The following PLCL2 variants were observed in gnomAD, a reference collection of about 807,000 sequenced individuals.
PLCL2 encodes inactive phospholipase C-like protein 2.
PLCL2 carries 4 observed loss-of-function variants against 79.6 expected under a neutral mutation model. That is an observed-to-expected ratio of 0.05 (90% CI 0.02 to 0.11). PLCL2 has a LOEUF of 0.11. PLCL2 is among the 10% of genes least tolerant of loss of function. PLCL2 has a pLI of 1.00. For synonymous variants in PLCL2, 484 were observed against 457.7 expected (o/e 1.06, Z -0.73); for missense variants, 895 against 1,291.0 (o/e 0.69, Z 4.70).
At chr3:16,945,852 A>G (rs1055373399) in intron 1 of PLCL2, among the ~76,000 whole-genome samples, 1 of 152,202 alleles carries the variant, frequency 6.6e-6, no homozygotes, top group South Asian at 2.1e-4. Flanking sequence ...CCCAAGCGCC[A>G]TTTACCCATC....
At chr3:16,949,474 ATCTTTT>A (rs1424554338) in intron 1 of PLCL2, among the ~76,000 whole-genome samples, 1 of 152,142 alleles carries the variant, frequency 6.6e-6, no homozygotes, top group African/African-American at 2.4e-5. Flanking sequence ...ATATTTGTTT[ATCTTTT>A]TCTTATTGAT....
At chr3:16,904,321 A>C (rs1217956553) in intron 1 of PLCL2, among the ~76,000 whole-genome samples, 9 of 152,096 alleles carry the variant, frequency 5.9e-5, no homozygotes, top group Non-Finnish European at 1.2e-4. Flanking sequence ...AAAAAAAGCA[A>C]ACTTTGGAGT....
chr3:16,893,562 G>A (rs1309202041), intron 1 of PLCL2, among the ~76,000 whole-genome samples: 1 of 152,162 alleles, frequency 6.6e-6, no homozygotes, highest in Non-Finnish European at 1.5e-5. Flanking sequence ...AGCGGAAAGA[G>A]ATCATGTAAA....
At chr3:16,911,306 C>T (rs548081258) in intron 1 of PLCL2, among the ~76,000 whole-genome samples, 61 of 150,832 alleles carry the variant, frequency 4.0e-4, no homozygotes, top group South Asian at 6.3e-4. Flanking sequence ...GAATACAGGT[C>T]TGTCAGGCTC....
At chr3:17,017,153 T>C (rs1302441915) in intron 3 of PLCL2, among the ~76,000 whole-genome samples, 1 of 152,174 alleles carries the variant, frequency 6.6e-6, no homozygotes, top group Non-Finnish European at 1.5e-5. Context: ...TCCTCTTGGA[T>C]TGGTAGATGC....
intron 3 of PLCL2, among the ~76,000 whole-genome samples, chr3:17,028,753 G>C (rs145646305): frequency 1.7e-3 from 256 of 152,096 alleles, no homozygotes; most frequent in African/African-American, 5.0e-3. Context: ...AAAGTGCTGG[G>C]AATTCCTTTT....
intron 1 of PLCL2, among the ~76,000 whole-genome samples, chr3:16,967,535 G>A (rs1290947941): frequency 1.3e-5 from 2 of 151,834 alleles, no homozygotes; most frequent in Admixed American, 6.6e-5. Context: ...CATTTCTTTC[G>A]TATGCTTGTT....
At chr3:16,963,345 T>C (rs948408620) in intron 1 of PLCL2, among the ~76,000 whole-genome samples, 1 of 152,192 alleles carries the variant, frequency 6.6e-6, no homozygotes, top group Non-Finnish European at 1.5e-5. Context: ...TTGAAAAATG[T>C]AGCAAGCCAT....
intron 1 of PLCL2, among the ~76,000 whole-genome samples, chr3:16,980,997 G>A (rs1035121840): frequency 6.6e-6 from 1 of 152,226 alleles, no homozygotes. Flanking sequence ...CCAGTCAAGC[G>A]TGGTGGCGCG....
intron 1 of PLCL2, among the ~76,000 whole-genome samples, chr3:17,000,237 G>T (rs2064195340): frequency 1.3e-5 from 2 of 152,058 alleles, no homozygotes; most frequent in Admixed American, 1.3e-4. Context: ...TTTGCAGGCT[G>T]GTGGCCAAGT....
intron 1 of PLCL2, among the ~76,000 whole-genome samples, chr3:16,920,220 G>A (rs1697092033): frequency 6.6e-6 from 1 of 152,084 alleles, no homozygotes; most frequent in Admixed American, 6.6e-5. Context: ...ACTTGATCAT[G>A]GATTCCAGAT....
intron 1 of PLCL2, among the ~76,000 whole-genome samples, chr3:16,889,538 AG>A (rs1696300263): frequency 6.6e-6 from 1 of 152,232 alleles, no homozygotes; most frequent in South Asian, 2.1e-4. Context: ...ACCTTGCCCA[AG>A]GTGGCAGCCC....
chr3:16,964,249 C>G (rs1306887987), intron 1 of PLCL2, among the ~76,000 whole-genome samples: 1 of 149,470 alleles, frequency 6.7e-6, no homozygotes, highest in African/African-American at 2.5e-5. Context: ...CAGTTGCCAC[C>G]TGTGAGTGAG....
chr3:16,966,272 T>C (rs1189664077), intron 1 of PLCL2, among the ~76,000 whole-genome samples: 1 of 150,176 alleles, frequency 6.7e-6, no homozygotes, highest in Non-Finnish European at 1.5e-5. Flanking sequence ...TCTATTGAGA[T>C]AATCATGTGG....
chr3:17,032,432 C>G (rs965755916), intron 3 of PLCL2, among the ~76,000 whole-genome samples: 1 of 152,114 alleles, frequency 6.6e-6, no homozygotes, highest in Admixed American at 6.6e-5. Context: ...CTAGTGCATT[C>G]ATTGTTTTGA....
chr3:17,014,716 G>A lies in PLCL2; in HGVS notation c.2823G>A (p.Val941=). 6.2e-7 allele frequency: 1 copy of A among 1,612,034 alleles called. No individual in the cohort carries two copies. The highest frequency in any genetic ancestry group is 8.5e-7 in the Non-Finnish European group (1 of 1,178,162). Residue 941 remains valine, a synonymous_variant, in exon 3 of 6, where the codon GTG becomes GTA. Transcript: ENST00000615277. The part of the protein sequence containing the change: ...TDLRENMQNA[V]VSFKELCGLS... ...TTCATTCCATTTAACAGAATGCGGT[G>A]GTGTCATTCAAGGAGCTGTGTGGCC...
At chr3:16,961,082 G>A (rs1235456198) in intron 1 of PLCL2, among the ~76,000 whole-genome samples, 1 of 152,236 alleles carries the variant, frequency 6.6e-6, no homozygotes, top group Non-Finnish European at 1.5e-5. Flanking sequence ...AATATATGCT[G>A]TTGAGGTATA....
At chr3:16,914,274 G>A (rs556428670) in intron 1 of PLCL2, among the ~76,000 whole-genome samples, 3 of 152,210 alleles carry the variant, frequency 2.0e-5, no homozygotes, top group African/African-American at 7.2e-5. Context: ...TTTTATATGT[G>A]GAGAAATATA....
At position 17,010,437 on chromosome 3, in the gene PLCL2, T is replaced by C; in HGVS notation, c.1091T>C (p.Met364Thr). Residue 364 changes from methionine (M) to threonine (T), a missense_variant, in exon 2 of 6, where the codon ATG becomes ACG. Physicochemically the swap from Met to Thr is moderately conservative, Grantham distance 81 (BLOSUM62 -1). This residue lies in a region of PLCL2 where 242 missense variants were observed against 399.5 expected (regional missense o/e 0.61). Transcript: ENST00000615277. This position sits in a 1 kb window ranked among gnomAD's most constrained non-coding sequence, Gnocchi z 5.8. The part of the protein sequence containing the change: ...NKEFLDTKDL[M>T]MFLEAEQGVA... ...GAATTCCTTGATACCAAGGACCTTA[T>C]GATGTTTCTTGAGGCAGAACAGGGT... 4 of 1,614,084 alleles carry C rather than the reference T, an allele frequency of 2.5e-6. No homozygotes were observed. The highest frequency in any genetic ancestry group is 3.4e-6 in the Non-Finnish European group (4 of 1,179,990).
Sources: gnomAD v4.1 joint callset for allele counts (sites outside exome capture counted in the v4.1 genomes callset) on GRCh38, gnomAD v4.1.1 for gene constraint, gnomAD v4.1.1 regional missense constraint, Gnocchi (gnomAD v3.1) non-coding constraint, MANE v1.5 for transcripts, NCBI Gene and HGNC (gene_info 2026-07-23, HGNC 2026-07-21) for gene names.